The following TIAM1 variants were observed in gnomAD, a reference collection of about 807,000 sequenced individuals.
TIAM1 encodes rho guanine nucleotide exchange factor TIAM1.
Under a neutral mutation model 163.5 loss-of-function variants are expected in TIAM1, and 65 were observed. The ratio of observed to expected loss-of-function variants is 0.40; its 90% CI spans 0.33 to 0.49. TIAM1 has a LOEUF of 0.49. Ranked by LOEUF, TIAM1 falls within the 20% of genes least tolerant of loss-of-function variation. The pLI, the probability that TIAM1 is intolerant of heterozygous loss-of-function variation, is 0.77. For synonymous variants in TIAM1, 833 were observed against 810.1 expected (o/e 1.03, Z -0.48); for missense variants, 1,789 against 2,044.7 (o/e 0.87, Z 2.41).
At chr21:31,206,111 G>A (rs1050935546) in intron 11 of TIAM1, among the ~76,000 whole-genome samples, 4 of 152,068 alleles carry the variant, frequency 2.6e-5, no homozygotes, top group African/African-American at 9.7e-5. Flanking sequence ...AAATTATAAT[G>A]GTCTTACTTG....
intron 2 of TIAM1, among the ~76,000 whole-genome samples, chr21:31,439,089 G>A (rs1055599788): frequency 5.3e-5 from 8 of 152,118 alleles, no homozygotes; most frequent in East Asian, 3.9e-4. Context: ...AAGTGCTATC[G>A]TTGATTGGGG....
At chr21:31,137,169 C>T (rs181134152) in intron 22 of TIAM1, among the ~76,000 whole-genome samples, 69 of 152,350 alleles carry the variant, frequency 4.5e-4, no homozygotes, top group African/African-American at 1.6e-3. Flanking sequence ...GTTTCCTATA[C>T]AGCAGCAACC....
intron 25 of TIAM1, among the ~76,000 whole-genome samples, chr21:31,127,798 G>T (rs796158450): frequency 8.5e-5 from 13 of 152,244 alleles, no homozygotes; most frequent in African/African-American, 2.9e-4. Flanking sequence ...GCAACAGTTG[G>T]ACTCAGTGGA....
At chr21:31,460,519 C>G (rs756350030) in intron 2 of TIAM1, among the ~76,000 whole-genome samples, 2 of 152,138 alleles carry the variant, frequency 1.3e-5, no homozygotes, top group African/African-American at 4.8e-5. Context: ...CCCAGCTACT[C>G]GAGAGGCTGA....
At chr21:31,541,664 CAA>C (rs1266213470) in intron 1 of TIAM1, among the ~76,000 whole-genome samples, 1 of 151,866 alleles carries the variant, frequency 6.6e-6, no homozygotes, top group Non-Finnish European at 1.5e-5. Context: ...TGAAAAGAAA[CAA>C]AATACAAAGC....
intron 2 of TIAM1, among the ~76,000 whole-genome samples, chr21:31,296,888 T>G (rs2300350): frequency 2.0e-5 from 3 of 151,906 alleles, no homozygotes; most frequent in African/African-American, 2.4e-5. Flanking sequence ...TGGTCTTGAT[T>G]TCCTGACCTC....
At chr21:31,236,113 A>T (rs964336795) in intron 6 of TIAM1, among the ~76,000 whole-genome samples, 26 of 152,194 alleles carry the variant, frequency 1.7e-4, no homozygotes, top group African/African-American at 4.8e-4. Context: ...TTCAGTGTCA[A>T]AAAGATGCCC....
chr21:31,187,054 A>G lies in TIAM1; in HGVS notation c.2609T>C (p.Ile870Thr), dbSNP rs769917570. 5 of 1,614,148 alleles carry G rather than the reference A, an allele frequency of 3.1e-6. No homozygotes were observed. The highest frequency in any genetic ancestry group is 4.2e-6 in the Non-Finnish European group (5 of 1,179,998). ...FSLSSVEEDG[I>T]RRLYVNSVKE... is the part of the protein sequence containing the mutation. ...CACACTATTCACGTACAGCCTTCGA[A>G]TACCATCTTCTTCCACAGAAGAAAG... Residue 870 changes from isoleucine to threonine, a missense_variant, in exon 14 of 28, where the codon ATT becomes ACT. Ile to Thr is a moderately conservative substitution (Grantham distance 89). Coordinates refer to ENST00000541036, the MANE Select transcript of TIAM1 (RefSeq NM_001353694.2).
chr21:31,545,083 T>C (rs114665965), intron 1 of TIAM1, among the ~76,000 whole-genome samples: 1,873 of 152,262 alleles, frequency 0.012, 44 homozygotes, highest in African/African-American at 0.043. Flanking sequence ...AAACAGGGTC[T>C]TTGCAGATAT....
At chr21:31,196,407 G>C (rs934594467) in intron 12 of TIAM1, among the ~76,000 whole-genome samples, 7 of 151,364 alleles carry the variant, frequency 4.6e-5, no homozygotes, top group African/African-American at 1.5e-4. Flanking sequence ...CATCTCCCAG[G>C]TTCAAGCAAT....
At chr21:31,379,361 A>G (rs904435176) in intron 2 of TIAM1, among the ~76,000 whole-genome samples, 58 of 152,314 alleles carry the variant, frequency 3.8e-4, no homozygotes, top group African/African-American at 1.3e-3. Context: ...CACGAATACC[A>G]AGGGATGACT....
At chr21:31,330,191 C>A (rs1420483880) in intron 2 of TIAM1, among the ~76,000 whole-genome samples, 3 of 152,132 alleles carry the variant, frequency 2.0e-5, no homozygotes, top group Non-Finnish European at 2.9e-5. Context: ...GTGTGCCCTG[C>A]CTGTTCATCC....
chr21:31,270,675 A>AC (rs2073015510), intron 3 of TIAM1, among the ~76,000 whole-genome samples: 2 of 152,268 alleles, frequency 1.3e-5, no homozygotes, highest in Admixed American at 1.3e-4. Flanking sequence ...AATGCAGCCC[A>AC]ACACAAATTC....
chr21:31,182,245 C>T (rs139581656), intron 15 of TIAM1, among the ~76,000 whole-genome samples, 176 bp downstream of exon 15: 93 of 152,322 alleles, frequency 6.1e-4, no homozygotes, highest in Middle Eastern at 3.4e-3. Context: ...AAGTTCCCTG[C>T]GCCTTTGAAA....
intron 2 of TIAM1, among the ~76,000 whole-genome samples, chr21:31,286,468 G>A (rs2073813098): frequency 6.6e-6 from 1 of 152,058 alleles, no homozygotes; most frequent in African/African-American, 2.4e-5. Flanking sequence ...AGCACTTTGG[G>A]AAGCCGAAAC....
chr21:31,430,231 T>C (rs1171768876), intron 2 of TIAM1, among the ~76,000 whole-genome samples: 7 of 117,162 alleles, frequency 6.0e-5, no homozygotes, highest in African/African-American at 2.8e-4. Flanking sequence ...AAAAAATATA[T>C]ATATATATAT....
intron 1 of TIAM1, among the ~76,000 whole-genome samples, chr21:31,489,458 GAGAA>G (rs1212457719): frequency 1.5e-5 from 2 of 136,546 alleles, no homozygotes; most frequent in African/African-American, 5.5e-5. Context: ...AAGAAAGAAA[GAGAA>G]AGAAAGTGAG....
intron 26 of TIAM1, 66 bp downstream of exon 26, chr21:31,126,999 A>C: frequency 6.6e-7 from 1 of 1,508,558 alleles, no homozygotes; most frequent in Non-Finnish European, 9.2e-7. Flanking sequence ...ACACAACGTA[A>C]GACACCAAAC....
intron 2 of TIAM1, among the ~76,000 whole-genome samples, chr21:31,400,150 C>T (rs922052305): frequency 2.7e-5 from 4 of 150,814 alleles, no homozygotes; most frequent in African/African-American, 4.9e-5. Context: ...TTTTTTGAGA[C>T]GGAGTCTAGC....
Sources: allele counts gnomAD v4.1 joint callset (sites outside exome capture counted in the v4.1 genomes callset), GRCh38; gene constraint gnomAD v4.1.1; transcripts MANE v1.5; gene names NCBI Gene and HGNC (gene_info 2026-07-23, HGNC 2026-07-21).